Variants in LMCD1 observed in about 807,000 individuals in gnomAD.
LMCD1 encodes LIM and cysteine rich domains 1.
In LMCD1, 32 loss-of-function variants were observed where a neutral mutation model predicts 42.7. That is an observed-to-expected ratio of 0.75 (90% CI 0.57 to 1.01). The LOEUF (loss-of-function observed/expected upper bound fraction) is 1.01, where lower values mean the gene tolerates loss of function less well. Ranked by LOEUF, LMCD1 falls within the 50% of genes least tolerant of loss-of-function variation. The pLI is 0.00. For synonymous variants in LMCD1, 178 were observed against 184.9 expected (o/e 0.96, Z 0.30); for missense variants, 458 against 483.1 (o/e 0.95, Z 0.49).
rs541412707 is a variant in LMCD1 at position 8,537,314 on chromosome 3, C to T, written c.261C>T (p.Gly87=). The stretch of plus-strand genomic sequence containing the variant: ...CCACCCTCACTGCTCGGGTGAAAGG[C>T]GGGGACGGCATCCGGATTTACAAGA... ...KYSTLTARVK[G]GDGIRIYKRN... Residue 87 remains glycine, a synonymous_variant, in exon 3 of 6, where the codon GGC becomes GGT. Transcript: ENST00000157600. The T allele has an allele frequency of 3.7e-5, 60 of 1,614,076 alleles. No homozygotes were observed. The highest frequency in any genetic ancestry group is 4.5e-5 in the East Asian group (2 of 44,864).
At chr3:8,507,261 T>C (rs1179557895) in intron 1 of LMCD1, among the ~76,000 whole-genome samples, 1 of 152,222 alleles carries the variant, frequency 6.6e-6, no homozygotes, top group African/African-American at 2.4e-5. Flanking sequence ...TATAAAACTT[T>C]TATAGAAAGA....
intron 1 of LMCD1, among the ~76,000 whole-genome samples, chr3:8,527,640 C>T (rs1574955558): frequency 6.6e-6 from 1 of 152,116 alleles, no homozygotes; most frequent in South Asian, 2.1e-4. Context: ...TCTTTAATAA[C>T]ATGTATGCTT....
chr3:8,523,033 C>T (rs922901475), intron 1 of LMCD1, among the ~76,000 whole-genome samples: 2 of 152,164 alleles, frequency 1.3e-5, no homozygotes, highest in Non-Finnish European at 2.9e-5. Flanking sequence ...GAAGGGCTGC[C>T]GATTCAGGCA....
chr3:8,556,072 A>C (rs1694928998), intron 4 of LMCD1, among the ~76,000 whole-genome samples: 1 of 152,212 alleles, frequency 6.6e-6, no homozygotes, highest in Admixed American at 6.5e-5. Context: ...TGTTTTGCTA[A>C]TATGAGCTAA....
intron 1 of LMCD1, among the ~76,000 whole-genome samples, chr3:8,502,362 T>TTATATAAAATATATAATATATATTA (rs1693765509): frequency 2.9e-5 from 2 of 70,088 alleles, no homozygotes; most frequent in African/African-American, 1.4e-4. Flanking sequence ...ATAATATATA[T>TTATATAAAATATATAATATATATTA]TATATAAAAT....
intron 5 of LMCD1, 27 bp from the exon 6 acceptor site, chr3:8,567,413 A>G (rs779383025): frequency 1.2e-6 from 2 of 1,610,464 alleles, no homozygotes; most frequent in East Asian, 2.2e-5. Context: ...AAACTGAGTC[A>G]TGCATTTCTC....
intron 4 of LMCD1, 36 bp from the exon 5 acceptor site, chr3:8,565,396 T>C: frequency 1.3e-6 from 2 of 1,582,010 alleles, no homozygotes; most frequent in Non-Finnish European, 1.7e-6. Flanking sequence ...CTCTCCTGAC[T>C]TCCTTGTCTC....
In LMCD1 at chr3:8,549,394, A is replaced by G. The variant is rs190105424; in HGVS notation, c.723+491A>G. Among the ~76,000 whole-genome samples the G allele has an allele frequency of 3.3e-5, 5 of 152,244 alleles. No homozygotes were observed. In the East Asian group the frequency reaches 9.7e-4, roughly 29 times the overall value. ...GTGGCATGCTTGGGGAGCTGGGGACATGAGGCTAGGGAGGGCAGCAGAGGC... is the reference window on the plus strand; with the variant it reads ...GTGGCATGCTTGGGGAGCTGGGGACGTGAGGCTAGGGAGGGCAGCAGAGGC... On this transcript the variant is annotated intron_variant, in intron 4 of 5. Coordinates refer to ENST00000157600, the MANE Select transcript of LMCD1 (RefSeq NM_014583.4).
At chr3:8,555,058 A>G (rs1031492350) in intron 4 of LMCD1, among the ~76,000 whole-genome samples, 5 of 152,030 alleles carry the variant, frequency 3.3e-5, no homozygotes, top group African/African-American at 1.2e-4. Context: ...GATGTTCCCC[A>G]CAGTCATAAA....
chr3:8,532,405 TG>T (rs1694428603), intron 1 of LMCD1, among the ~76,000 whole-genome samples: 1 of 151,730 alleles, frequency 6.6e-6, no homozygotes, highest in African/African-American at 2.4e-5. Context: ...TGGGTGAGGG[TG>T]GGGGATGGAA....
chr3:8,557,230 A>C (rs1276207314), intron 4 of LMCD1, among the ~76,000 whole-genome samples: 2 of 152,268 alleles, frequency 1.3e-5, no homozygotes, highest in Non-Finnish European at 2.9e-5. Context: ...GTTAGACTAC[A>C]GAAGAAAGAA....
At position 8,551,339 on chromosome 3, in the gene LMCD1, C is replaced by T. The variant is rs143587471; in HGVS notation, c.723+2436C>T. The T allele has an allele frequency of 6.1e-5, 60 of 985,388 alleles. No individual in the cohort carries two copies. In the African/African-American group the frequency reaches 7.0e-4, roughly 11 times the overall value. The allele number at this position is 985,388 out of a possible 1,614,324, so 61.0% of individuals were successfully genotyped here. On this transcript the variant is annotated intron_variant, in intron 4 of 5. Coordinates refer to ENST00000157600, the MANE Select transcript of LMCD1 (RefSeq NM_014583.4). ...TGGATGGCCAATTTGCCTAGGCGGA[C>T]GGTGCGATTCCAGTTCCACATTTAT...
At chr3:8,535,584 A>G (rs1694494788) in intron 2 of LMCD1, among the ~76,000 whole-genome samples, 1 of 152,090 alleles carries the variant, frequency 6.6e-6, no homozygotes, top group African/African-American at 2.4e-5. Context: ...TGTTTTCCAA[A>G]CTCATGACCA....
chr3:8,569,480 G>A lies in LMCD1; in HGVS notation c.*1882G>A, dbSNP rs1488512060. The stretch of plus-strand genomic sequence containing the variant: ...TCCAATTCCCATGCTGAATATAGGG[G>A]ATGCGGGGTGCACAAAAAGAACAGT... On this transcript the variant is annotated 3_prime_UTR_variant, in exon 6 of 6. Transcript: ENST00000157600. 2.0e-5 allele frequency: 3 copies of A among 152,202 alleles called. No individual in the cohort carries two copies. Among genetic ancestry groups the A allele is most frequent in the African/African-American group, 7.2e-5 (3 of 41,448 alleles). 9.4% of individuals were successfully genotyped at this position (152,202 alleles called of 1,614,324 possible). A position where few individuals can be genotyped will look rare whatever the true frequency, so the allele number is the denominator to read the frequency against.
At chr3:8,521,331 C>A (rs1467372302) in intron 1 of LMCD1, among the ~76,000 whole-genome samples, 2 of 152,196 alleles carry the variant, frequency 1.3e-5, no homozygotes, top group African/African-American at 4.8e-5. Flanking sequence ...GATCCAGTCA[C>A]CCAGCAATGA....
chr3:8,532,919 G>A (rs1179189755), intron 2 of LMCD1, 94 bp downstream of exon 2: 2 of 980,884 alleles, frequency 2.0e-6, no homozygotes, highest in Non-Finnish European at 3.2e-6. Context: ...AGACTGCTTT[G>A]GTTGTATGCG....
chr3:8,510,711 G>A (rs899390536), intron 1 of LMCD1, among the ~76,000 whole-genome samples: 2 of 152,092 alleles, frequency 1.3e-5, no homozygotes, highest in Non-Finnish European at 2.9e-5. Context: ...TATACCCACT[G>A]CTAGATCATA....
chr3:8,566,392 C>A (rs1272827676), intron 5 of LMCD1, among the ~76,000 whole-genome samples: 2 of 152,188 alleles, frequency 1.3e-5, no homozygotes, highest in African/African-American at 4.8e-5. Flanking sequence ...GAAATGTCTT[C>A]TTTATATTGA....
At chr3:8,562,418 A>ACC (rs1318750565) in intron 4 of LMCD1, among the ~76,000 whole-genome samples, 1 of 152,032 alleles carries the variant, frequency 6.6e-6, no homozygotes, top group Non-Finnish European at 1.5e-5. Flanking sequence ...TCCCCACCCG[A>ACC]CCCAGCTCAG....
Sources: allele counts gnomAD v4.1 joint callset (sites outside exome capture counted in the v4.1 genomes callset), GRCh38; gene constraint gnomAD v4.1.1; transcripts MANE v1.5; gene names NCBI Gene and HGNC (gene_info 2026-07-23, HGNC 2026-07-21).